Variants in ST6GALNAC3 observed in about 807,000 individuals in gnomAD.
The protein encoded by ST6GALNAC3 is ST6 N-acetylgalactosaminide alpha-2,6-sialyltransferase 3, also known as alpha-N-acetylgalactosaminide alpha-2,6-sialyltransferase 3.
A neutral mutation model predicts 32.7 loss-of-function variants in ST6GALNAC3; 25 were observed. The observed-to-expected ratio is 0.76, with a 90% CI of 0.56 to 1.07. ST6GALNAC3 has a LOEUF of 1.07. Among genes scored for constraint, ST6GALNAC3 ranks in the 50% least tolerant of loss-of-function variants. The pLI, the probability that ST6GALNAC3 is intolerant of heterozygous loss-of-function variation, is 0.00. For missense variants in ST6GALNAC3, 355 were observed against 382.4 expected, an observed-to-expected ratio of 0.93 and a Z score of 0.60; for synonymous variants, 129 against 133.1, an observed-to-expected ratio of 0.97 and a Z score of 0.21.
At position 76,629,338 on chromosome 1, in the gene ST6GALNAC3, C is replaced by T. The variant is rs773258085; in HGVS notation, c.*532C>T. ...TGGGAAAATATCTCTTCCTAATATA[C>T]CATCTTTCTACAGTATTTCCTACAG... On this transcript the variant is annotated 3_prime_UTR_variant, in exon 5 of 5. Transcript: ENST00000328299. 14 of 985,542 alleles carry T rather than the reference C, an allele frequency of 1.4e-5. No homozygotes were observed. The highest frequency in any genetic ancestry group is 1.7e-5 in the Non-Finnish European group (14 of 829,988). 61.0% of individuals were successfully genotyped at this position (985,542 alleles called of 1,614,324 possible).
At chr1:76,313,718 A>G (rs1351353404) in intron 1 of ST6GALNAC3, 87 bp from the exon 2 acceptor site, 1 of 1,367,394 alleles carries the variant, frequency 7.3e-7, no homozygotes, top group African/African-American at 1.4e-5. Context: ...TATGAAAGAA[A>G]AAGAGAAGAA....
At chr1:76,201,055 GA>G (rs60688332) in intron 1 of ST6GALNAC3, among the ~76,000 whole-genome samples, 3 of 150,428 alleles carry the variant, frequency 2.0e-5, no homozygotes, top group Admixed American at 1.3e-4. Flanking sequence ...GCAGCAGTGT[GA>G]AAAAAAAAGA....
intron 1 of ST6GALNAC3, among the ~76,000 whole-genome samples, chr1:76,270,619 T>G (rs1210619958): frequency 2.6e-5 from 4 of 151,840 alleles, no homozygotes; most frequent in Admixed American, 2.0e-4. Context: ...CCAGTTATAA[T>G]GAAACTGAAA....
At chr1:76,206,687 C>T (rs191905029) in intron 1 of ST6GALNAC3, among the ~76,000 whole-genome samples, 364 of 151,866 alleles carry the variant, frequency 2.4e-3, no homozygotes, top group African/African-American at 8.4e-3. Context: ...GAGCTGAGAT[C>T]GCGCCACTGC....
chr1:76,536,858 A>G (rs868077935), intron 3 of ST6GALNAC3, among the ~76,000 whole-genome samples: 1 of 152,184 alleles, frequency 6.6e-6, no homozygotes. Flanking sequence ...AGACCTACAA[A>G]GAGACTTAGA....
At chr1:76,404,779 T>C (rs1021951856) in intron 2 of ST6GALNAC3, among the ~76,000 whole-genome samples, 1 of 151,944 alleles carries the variant, frequency 6.6e-6, no homozygotes, top group Non-Finnish European at 1.5e-5. Flanking sequence ...AATTAGTGAG[T>C]GGTGAGTTGC....
intron 3 of ST6GALNAC3, among the ~76,000 whole-genome samples, chr1:76,617,781 C>T (rs980398180): frequency 1.3e-4 from 20 of 152,154 alleles, no homozygotes; most frequent in Admixed American, 1.0e-3. Context: ...CTCCAGCTGA[C>T]ACTAGCCAAA....
intron 1 of ST6GALNAC3, among the ~76,000 whole-genome samples, chr1:76,122,285 C>T (rs1648930300): frequency 6.6e-6 from 1 of 152,176 alleles, no homozygotes; most frequent in Admixed American, 6.5e-5. Context: ...AGAATGTGCT[C>T]TTCTCTCCCC....
Position 76,627,524 on chromosome 1 carries a change from T to C in ST6GALNAC3, c.696T>C (p.Ile232=), listed in dbSNP as rs759409056. 6.2e-7 allele frequency: 1 copy of C among 1,612,690 alleles called. No homozygotes were observed. Among genetic ancestry groups the C allele is most frequent in the South Asian group, 1.1e-5 (1 of 91,040 alleles). The part of the protein sequence containing the change: ...FLLAMDACYG[I]HVYGMINDTY... ...TGGCCATGGACGCCTGTTATGGCATTCACGTCTACGGGATGATAAATGACA... is the reference window on the plus strand; with the variant it reads ...TGGCCATGGACGCCTGTTATGGCATCCACGTCTACGGGATGATAAATGACA... The change falls in exon 4 of 5, where the codon ATT becomes ATC. Residue 232 remains isoleucine, a synonymous_variant. Transcript: ENST00000328299.
Position 76,628,635 on chromosome 1 carries a change from A to T in ST6GALNAC3, c.747A>T (p.Arg249Ser). ...NDTYCKTEGY[R>S]KVPYHYYEQG... Reference sequence around the variant, plus strand: ...TCTTTTCTAGGACAGAAGGGTATAGAAAAGTCCCCTACCATTATTATGAAC... The same window carrying T: ...TCTTTTCTAGGACAGAAGGGTATAGTAAAGTCCCCTACCATTATTATGAAC... The change falls in exon 5 of 5, where the codon AGA becomes AGT. Residue 249 changes from arginine to serine, a missense_variant. By Grantham distance (110) the Arg-to-Ser change is moderately radical. Transcript: ENST00000328299. 1.2e-6 allele frequency: 2 copies of T among 1,607,990 alleles called. No homozygotes were observed. The highest frequency in any genetic ancestry group is 3.4e-5 in the Admixed American group (2 of 59,108).
chr1:76,126,161 A>G (rs970526991), intron 1 of ST6GALNAC3, among the ~76,000 whole-genome samples: 2 of 152,354 alleles, frequency 1.3e-5, no homozygotes, highest in Non-Finnish European at 2.9e-5. Context: ...AAGTTACTTC[A>G]AATATTTCAA....
chr1:76,159,963 G>A (rs868191915), intron 1 of ST6GALNAC3, among the ~76,000 whole-genome samples: 1 of 152,170 alleles, frequency 6.6e-6, no homozygotes, highest in African/African-American at 2.4e-5. Flanking sequence ...GTAGAGTTAA[G>A]TTCCAGAGCC....
At chr1:76,116,076 A>G (rs933725124) in intron 1 of ST6GALNAC3, among the ~76,000 whole-genome samples, 1 of 152,202 alleles carries the variant, frequency 6.6e-6, no homozygotes, top group Non-Finnish European at 1.5e-5. Flanking sequence ...CAGAGTGGTC[A>G]GTGCTATGGT....
intron 1 of ST6GALNAC3, among the ~76,000 whole-genome samples, chr1:76,140,752 A>G (rs969562635): frequency 6.7e-6 from 1 of 148,184 alleles, no homozygotes; most frequent in African/African-American, 2.5e-5. Flanking sequence ...AGTGGCTGGG[A>G]CTACAGGCAT....
At chr1:76,296,182 A>G (rs1452009127) in intron 1 of ST6GALNAC3, among the ~76,000 whole-genome samples, 5 of 152,078 alleles carry the variant, frequency 3.3e-5, no homozygotes, top group African/African-American at 4.8e-5. Flanking sequence ...TTTAACATCC[A>G]TGGTTGCCTC....
chr1:76,516,540 A>G (rs887561294), intron 3 of ST6GALNAC3, among the ~76,000 whole-genome samples: 4 of 152,182 alleles, frequency 2.6e-5, no homozygotes, highest in Admixed American at 2.0e-4. Context: ...GGATATTTGC[A>G]TTTTATATTT....
chr1:76,439,565 C>A (rs777304659), intron 3 of ST6GALNAC3, among the ~76,000 whole-genome samples: 2 of 152,192 alleles, frequency 1.3e-5, no homozygotes, highest in African/African-American at 4.8e-5. Flanking sequence ...CTTTCCTTTC[C>A]ATTCAGGTGC....
intron 1 of ST6GALNAC3, among the ~76,000 whole-genome samples, chr1:76,187,602 C>A (rs559146577): frequency 1.3e-5 from 2 of 152,302 alleles, no homozygotes; most frequent in East Asian, 3.9e-4. Flanking sequence ...ACTTTGCAAT[C>A]CTGCTGGAAG....
At chr1:76,318,066 T>C (rs1646899062) in intron 2 of ST6GALNAC3, among the ~76,000 whole-genome samples, 1 of 151,976 alleles carries the variant, frequency 6.6e-6, no homozygotes, top group South Asian at 2.1e-4. Flanking sequence ...ATTAATCTGT[T>C]TTTTTTAAAA....
Sources: allele counts gnomAD v4.1 joint callset (sites outside exome capture counted in the v4.1 genomes callset), GRCh38; gene constraint gnomAD v4.1.1; transcripts MANE v1.5; gene names NCBI Gene and HGNC (gene_info 2026-07-23, HGNC 2026-07-21).